Variants in RGS22 observed in about 807,000 individuals in gnomAD.
RGS22 encodes the protein regulator of G-protein signaling 22.
A neutral mutation model predicts 172.9 loss-of-function variants in RGS22; 148 were observed. The ratio of observed to expected loss-of-function variants is 0.86; its 90% confidence interval spans 0.75 to 0.98. RGS22 has a LOEUF of 0.98. Among genes scored for constraint, RGS22 ranks in the 50% least tolerant of loss-of-function variants. The pLI, the probability that RGS22 is intolerant of heterozygous loss-of-function variation, is 0.00. For synonymous variants in RGS22, 458 were observed against 480.2 expected, an observed-to-expected ratio of 0.95 and a Z score of 0.60; for missense variants, 1,347 against 1,440.8, an observed-to-expected ratio of 0.93 and a Z score of 1.05.
At chr8:100,014,681 C>T (rs1314186257) in intron 14 of RGS22, among the ~76,000 whole-genome samples, 2 of 152,174 alleles carry the variant, frequency 1.3e-5, no homozygotes, top group Non-Finnish European at 2.9e-5. Flanking sequence ...CTCCATTCCT[C>T]CCTTAAAAGA....
At chr8:100,050,832 T>C (rs1186673119) in intron 10 of RGS22, 2 of 152,210 alleles carry the variant, frequency 1.3e-5, no homozygotes, top group African/African-American at 2.4e-5. Context: ...TCTCACTCAT[T>C]CATTCAATTT....
intron 14 of RGS22, among the ~76,000 whole-genome samples, chr8:100,017,057 G>GTGT (rs1178870240): frequency 1.6e-5 from 2 of 125,010 alleles, no homozygotes; most frequent in Admixed American, 1.0e-4. Context: ...AAGGACAGTG[G>GTGT]TGTGATCTTG....
At chr8:99,986,196 C>G (rs1054280259) in intron 21 of RGS22, among the ~76,000 whole-genome samples, 1 of 151,874 alleles carries the variant, frequency 6.6e-6, no homozygotes, top group Non-Finnish European at 1.5e-5. Context: ...TGCTACTGTA[C>G]TCCAGCCTGG....
chr8:100,025,143 G>A (rs1818045641), intron 14 of RGS22, among the ~76,000 whole-genome samples: 1 of 152,098 alleles, frequency 6.6e-6, no homozygotes, highest in South Asian at 2.1e-4. Flanking sequence ...GAAATGAGTG[G>A]GTAGCTACAA....
chr8:100,073,803 T>C (rs1448492541), intron 4 of RGS22, among the ~76,000 whole-genome samples: 8 of 152,256 alleles, frequency 5.3e-5, no homozygotes, highest in African/African-American at 1.9e-4. Context: ...AGTTTACCTA[T>C]AATTCATCCT....
intron 14 of RGS22, among the ~76,000 whole-genome samples, chr8:100,018,685 A>T (rs1422143531): frequency 1.3e-5 from 2 of 152,244 alleles, no homozygotes; most frequent in African/African-American, 4.8e-5. Flanking sequence ...CACATGAGAT[A>T]GCTCAAACGA....
chr8:100,084,412 G>T (rs534372272), intron 3 of RGS22, among the ~76,000 whole-genome samples: 1 of 152,198 alleles, frequency 6.6e-6, no homozygotes, highest in African/African-American at 2.4e-5. Context: ...TGGTCAAAAA[G>T]AAGTGCTTTA....
intron 22 of RGS22, among the ~76,000 whole-genome samples, chr8:99,978,532 G>A (rs1812221728): frequency 6.6e-6 from 1 of 151,984 alleles, no homozygotes. Context: ...TTTGCCTCTG[G>A]AAAAGCTCTT....
At chr8:100,019,501 C>T (rs111248784) in intron 14 of RGS22, among the ~76,000 whole-genome samples, 3 of 152,308 alleles carry the variant, frequency 2.0e-5, no homozygotes, top group African/African-American at 7.2e-5. Context: ...AACTGTATGA[C>T]TTAAAATGAG....
At chr8:100,086,659 A>C (rs1208028481) in intron 3 of RGS22, among the ~76,000 whole-genome samples, 1 of 152,052 alleles carries the variant, frequency 6.6e-6, no homozygotes, top group African/African-American at 2.4e-5. Context: ...AGCATGACGC[A>C]ATATACCCAG....
intron 14 of RGS22, among the ~76,000 whole-genome samples, chr8:100,013,550 C>A (rs1293030151): frequency 2.6e-5 from 4 of 152,156 alleles, no homozygotes; most frequent in Non-Finnish European, 4.4e-5. Flanking sequence ...CTTCATGATG[C>A]CCTGTTGAAG....
rs571595619 is a variant in RGS22 at position 100,053,508 on chromosome 8, A to T, written c.1515-532T>A. 4.6e-5 allele frequency among the ~76,000 whole-genome samples: 7 copies of T among 152,312 alleles called. No homozygotes were observed. In the East Asian group the frequency reaches 1.3e-3, roughly 29 times the overall value. On this transcript the variant is annotated intron_variant, in intron 9 of 27. Coordinates refer to ENST00000360863, the MANE Select transcript of RGS22 (RefSeq NM_015668.5). ...AAGGAAGGAAGGAATCTGTCTATCC[A>T]TAAAGGAATTTTTAAAACAACTTAC...
intron 10 of RGS22, among the ~76,000 whole-genome samples, chr8:100,051,456 T>TATAAA: frequency 8.8e-6 from 1 of 113,772 alleles, no homozygotes; most frequent in African/African-American, 3.4e-5. Flanking sequence ...TTATATTATA[T>TATAAA]TATATATAAA....
chr8:99,965,007 A>T (rs1810579926), intron 24 of RGS22, among the ~76,000 whole-genome samples: 1 of 152,190 alleles, frequency 6.6e-6, no homozygotes, highest in Admixed American at 6.5e-5. Context: ...TTTTTAACCC[A>T]AGAATACAAC....
chr8:99,966,946 T>C (rs748926166), intron 23 of RGS22, among the ~76,000 whole-genome samples: 17 of 152,300 alleles, frequency 1.1e-4, no homozygotes, highest in South Asian at 6.2e-4. Flanking sequence ...GATGGCTGAA[T>C]AGGAACAGCT....
chr8:99,967,709 T>C (rs1229735750), intron 23 of RGS22, among the ~76,000 whole-genome samples: 2 of 152,184 alleles, frequency 1.3e-5, no homozygotes, highest in Admixed American at 6.5e-5. Flanking sequence ...AGGGCATCTC[T>C]GAAAGAAAGC....
chr8:100,013,175 G>A (rs1480748439), intron 14 of RGS22, among the ~76,000 whole-genome samples: 1 of 151,908 alleles, frequency 6.6e-6, no homozygotes, highest in Admixed American at 6.6e-5. Flanking sequence ...ATTTTTAGTA[G>A]AGATGGGGTT....
At chr8:100,038,821 T>C in intron 14 of RGS22, 110 bp downstream of exon 14, 1 of 495,100 alleles carries the variant, frequency 2.0e-6, no homozygotes, top group Non-Finnish European at 3.5e-6. Flanking sequence ...AACAATTTAA[T>C]TGCTGCCTTT....
chr8:100,012,619 A>G (rs1263663496), intron 14 of RGS22, among the ~76,000 whole-genome samples: 2 of 152,112 alleles, frequency 1.3e-5, no homozygotes, highest in Non-Finnish European at 2.9e-5. Flanking sequence ...GAAAGAAAAG[A>G]AAGAAACAGA....
Sources: gnomAD v4.1 joint callset for allele counts (sites outside exome capture counted in the v4.1 genomes callset) on GRCh38, gnomAD v4.1.1 for gene constraint, MANE v1.5 for transcripts, NCBI Gene and HGNC (gene_info 2026-07-23, HGNC 2026-07-21) for gene names.